Variants in ADGRB2 observed in about 807,000 individuals in gnomAD.
ADGRB2 encodes the protein brain-specific angiogenesis inhibitor 2.
ADGRB2 carries 47 observed loss-of-function variants against 178.7 expected under a neutral mutation model. The observed-to-expected ratio is 0.26, with a 90% CI of 0.21 to 0.34. The LOEUF (loss-of-function observed/expected upper bound fraction) is 0.34, where lower values mean the gene tolerates loss of function less well. Among genes scored for constraint, ADGRB2 ranks in the 10% least tolerant of loss-of-function variants. The pLI is 1.00. For synonymous variants in ADGRB2, 870 were observed against 912.4 expected, an observed-to-expected ratio of 0.95 and a Z score of 0.84; for missense variants, 1,584 against 2,180.8, an observed-to-expected ratio of 0.73 and a Z score of 5.45.
chr1:31,732,963 C>G lies in ADGRB2; in HGVS notation c.3624+9G>C. 1 of 1,549,944 alleles carries G rather than the reference C, an allele frequency of 6.5e-7. No homozygotes were observed. Among genetic ancestry groups the G allele is most frequent in the South Asian group, 1.2e-5 (1 of 83,798 alleles). On this transcript the variant is annotated intron_variant, in intron 26 of 32. Coordinates refer to ENST00000373658, the MANE Select transcript of ADGRB2 (RefSeq NM_001364857.2). ...TGGGCACACACAGGCGGGAGAGGCC[C>G]AGCCCCACCTCTCGGCGCAGGAAGC...
In ADGRB2 at chr1:31,759,036, C is replaced by G. The variant is rs572247109; in HGVS notation, c.-190-1525G>C. 2.6e-5 allele frequency among the ~76,000 whole-genome samples: 4 copies of G among 152,204 alleles called. 1 individual carries two copies. The highest frequency in any genetic ancestry group is 2.0e-4 in the Admixed American group (3 of 15,294). On this transcript the variant is annotated intron_variant, in intron 1 of 32. Transcript: ENST00000373658. This position sits in a 1 kb window ranked among gnomAD's most constrained non-coding sequence, Gnocchi z 4.3. ...TCATTATAACCGGCCTCCCCTCCCC[C>G]ACTTACAGCAGCTCAGGGAACCTCC...
chr1:31,739,047 A>T (rs1645790335), intron 15 of ADGRB2, 110 bp from the exon 16 acceptor site: 3 of 1,027,792 alleles, frequency 2.9e-6, no homozygotes, highest in Non-Finnish European at 4.3e-6. Context: ...GCCAAGGCCC[A>T]GGGGAAGGCC....
chr1:31,738,653 G>A (rs1645761189), intron 16 of ADGRB2, 23 bp from the exon 17 acceptor site: 1 of 1,612,258 alleles, frequency 6.2e-7, no homozygotes, highest in East Asian at 2.2e-5. Context: ...AGACATGAGT[G>A]CAGTCTAGGG....
At position 31,756,042 on chromosome 1, in the gene ADGRB2, G is replaced by A. The variant is rs1451641022; in HGVS notation, c.795C>T (p.His265=). Residue 265 remains histidine, a synonymous_variant, in exon 4 of 33, where the codon CAC becomes CAT. Transcript: ENST00000373658. The surrounding 1 kb of genome is among the most constrained non-coding windows in gnomAD (Gnocchi z 8.5). The part of the protein sequence containing the change: ...GPAPPAEADL[H]SGSSNDLFTT... ...TGAACAGATCATTGCTGCTCCCCGA[G>A]TGCAAATCGGCCTCAGCAGGTGGGG... The A allele has an allele frequency of 3.1e-6, 5 of 1,613,940 alleles. No individual in the cohort carries two copies. In the Admixed American group the frequency reaches 6.7e-5, roughly 22 times the overall value.
In ADGRB2 at chr1:31,740,895, G is replaced by GCACACACACACACACA. The variant is rs145689822; in HGVS notation, c.1795-370_1795-355dup. Among the ~76,000 whole-genome samples, 2,146 of 140,398 alleles carry GCACACACACACACACA rather than the reference G, an allele frequency of 0.015. 36 individuals are homozygous for GCACACACACACACACA. Among genetic ancestry groups the GCACACACACACACACA allele is most frequent in the Non-Finnish European group, 0.022 (1,453 of 64,830 alleles). The allele number at this position is 140,398 out of a possible 152,430, so 92.1% of individuals were successfully genotyped here. On this transcript the variant is annotated intron_variant, in intron 11 of 32. Coordinates refer to ENST00000373658, the MANE Select transcript of ADGRB2 (RefSeq NM_001364857.2). This position sits in a 1 kb window ranked among gnomAD's most constrained non-coding sequence, Gnocchi z 5.9. ...AATGAGCATGTGTGTGGGCGCGCGC[G>GCACACACACACACACA]CACACACACACACACACACACACAC...
intron 20 of ADGRB2, 77 bp downstream of exon 20, chr1:31,737,352 A>AAC: frequency 7.3e-7 from 1 of 1,376,470 alleles, no homozygotes; most frequent in Non-Finnish European, 1.0e-6. Context: ...CGTACAAGCA[A>AAC]ACACACACAC....
At chr1:31,729,712 C>T (rs890117026) in intron 29 of ADGRB2, among the ~76,000 whole-genome samples, 6 of 152,222 alleles carry the variant, frequency 3.9e-5, no homozygotes, top group Non-Finnish European at 4.4e-5. Context: ...CCCCTCAAAG[C>T]GCTGCTGCAT....
chr1:31,746,996 C>T (rs1646312352), intron 4 of ADGRB2, among the ~76,000 whole-genome samples: 1 of 152,210 alleles, frequency 6.6e-6, no homozygotes, highest in South Asian at 2.1e-4. Context: ...CAAATATCAC[C>T]TCCCCTGTTA....
chr1:31,739,253 T>G (rs1335464026), intron 15 of ADGRB2, 55 bp downstream of exon 15: 2 of 1,426,340 alleles, frequency 1.4e-6, no homozygotes, highest in African/African-American at 2.9e-5. Flanking sequence ...CTCCTTCCCT[T>G]ACCTGGGCCT....
rs1646163193 is a variant in ADGRB2, at chr1:31,744,377, T to TC, written c.923-21dup. On this transcript the variant is annotated intron_variant, in intron 5 of 32. Coordinates refer to ENST00000373658, the MANE Select transcript of ADGRB2 (RefSeq NM_001364857.2). This position sits in a 1 kb window ranked among gnomAD's most constrained non-coding sequence, Gnocchi z 6.7. ...GGTCGCCTACGAGAGAGGGACAGCG[T>TC]CGGCGGCAGGGGGCACCTCCCAAGC... 1 of 1,547,630 alleles carries TC rather than the reference T, an allele frequency of 6.5e-7. No individual in the cohort carries two copies.
intron 16 of ADGRB2, 84 bp from the exon 17 acceptor site, chr1:31,738,714 G>C (rs1347817119): frequency 6.3e-7 from 1 of 1,595,030 alleles, no homozygotes; most frequent in African/African-American, 1.3e-5. Context: ...GGCCACAGCA[G>C]CTCCCACACA....
At position 31,728,396 on chromosome 1, in the gene ADGRB2, G is replaced by A; in HGVS notation, c.4417-116C>T. 1 of 1,285,966 alleles carries A rather than the reference G, an allele frequency of 7.8e-7. No individual in the cohort carries two copies. Among genetic ancestry groups the A allele is most frequent in the South Asian group, 1.2e-5 (1 of 80,106 alleles). The allele number at this position is 1,285,966 out of a possible 1,614,324, so 79.7% of individuals were successfully genotyped here. A position where few individuals can be genotyped will look rare whatever the true frequency, so the allele number is the denominator to read the frequency against. ...TCCCTCCCTGCTGCCAGCCCCTCTGGGACAAGACCTAGTTCTCTCTTCACG... is the reference window on the plus strand; with the variant it reads ...TCCCTCCCTGCTGCCAGCCCCTCTGAGACAAGACCTAGTTCTCTCTTCACG... On this transcript the variant is annotated intron_variant, in intron 30 of 32. Transcript: ENST00000373658. This position sits in a 1 kb window ranked among gnomAD's most constrained non-coding sequence, Gnocchi z 6.7.
In ADGRB2 at chr1:31,728,669, G is replaced by T; in HGVS notation, c.4381-36C>A. On this transcript the variant is annotated intron_variant, in intron 29 of 32. Coordinates refer to ENST00000373658, the MANE Select transcript of ADGRB2 (RefSeq NM_001364857.2). This position sits in a 1 kb window ranked among gnomAD's most constrained non-coding sequence, Gnocchi z 6.7. Reference sequence around the variant, plus strand: ...GCAACAAGGAGGCAATGGAGGAGAAGAAAGCTTTTTACCACCGGCAGGGGC... The same window carrying T: ...GCAACAAGGAGGCAATGGAGGAGAATAAAGCTTTTTACCACCGGCAGGGGC... 1.2e-6 allele frequency: 2 copies of T among 1,613,066 alleles called. No individual in the cohort carries two copies. The highest frequency in any genetic ancestry group is 2.2e-5 in the South Asian group (2 of 91,038).
Position 31,733,231 on chromosome 1 carries a change from C to A in ADGRB2, c.3453-88G>T. 1 of 1,437,368 alleles carries A rather than the reference C, an allele frequency of 7.0e-7. No homozygotes were observed. Among genetic ancestry groups the A allele is most frequent in the Non-Finnish European group, 9.4e-7 (1 of 1,067,514 alleles). 89.0% of individuals were successfully genotyped at this position (1,437,368 alleles called of 1,614,324 possible). A position where few individuals can be genotyped will look rare whatever the true frequency, so the allele number is the denominator to read the frequency against. On this transcript the variant is annotated intron_variant, in intron 25 of 32. Coordinates refer to ENST00000373658, the MANE Select transcript of ADGRB2 (RefSeq NM_001364857.2). The surrounding 1 kb of genome is among the most constrained non-coding windows in gnomAD (Gnocchi z 4.3). The stretch of plus-strand genomic sequence containing the variant: ...AGGCCTCCACTCAGCTGGAGCTCTT[C>A]AGCTGCCCAAGACTGGGAGGGCCCC...
At chr1:31,738,052 G>C (rs972199658) in intron 18 of ADGRB2, 148 bp downstream of exon 18, 1 of 1,255,726 alleles carries the variant, frequency 8.0e-7, no homozygotes, top group Non-Finnish European at 1.1e-6. Flanking sequence ...ACAATCCCAG[G>C]GGCACAGACA....
rs1317782465 is a variant in ADGRB2, at chr1:31,759,464, G to T, written c.-190-1953C>A. On this transcript the variant is annotated intron_variant, in intron 1 of 32. Transcript: ENST00000373658. This position sits in a 1 kb window ranked among gnomAD's most constrained non-coding sequence, Gnocchi z 4.3. ...CTGCTGCTCCCTACTCCACAGCCCCGCCCCATCAAGAAGCACAAGGTCCAC... is the reference window on the plus strand; with the variant it reads ...CTGCTGCTCCCTACTCCACAGCCCCTCCCCATCAAGAAGCACAAGGTCCAC... 4 of 741,292 alleles carry T rather than the reference G, an allele frequency of 5.4e-6. No individual in the cohort carries two copies. Among genetic ancestry groups the T allele is most frequent in the Middle Eastern group, 3.1e-4 (1 of 3,238 alleles). 45.9% of individuals were successfully genotyped at this position (741,292 alleles called of 1,614,324 possible).
chr1:31,752,858 T>C (rs915013722), intron 4 of ADGRB2, among the ~76,000 whole-genome samples: 4 of 152,068 alleles, frequency 2.6e-5, no homozygotes, highest in Non-Finnish European at 5.9e-5. Context: ...AGGTGGGGTT[T>C]TGAGCCCACT....
Position 31,732,380 on chromosome 1 carries a change from T to C in ADGRB2, c.3720+137A>G, listed in dbSNP as rs1370524613. On this transcript the variant is annotated intron_variant, in intron 27 of 32. Coordinates refer to ENST00000373658, the MANE Select transcript of ADGRB2 (RefSeq NM_001364857.2). ...GACTTGCCCAATGCCACCCAGGTGT[T>C]AGTGGCTGAGCCTGAATCAAACCCA... is the stretch of plus-strand genomic sequence containing the variant. The C allele has an allele frequency of 5.1e-6, 6 of 1,177,886 alleles. No homozygotes were observed. The South Asian group carries it at 5.5e-5, about 11-fold the overall frequency. The allele number at this position is 1,177,886 out of a possible 1,614,324, so 73.0% of individuals were successfully genotyped here.
chr1:31,736,864 C>T (rs983760310), intron 20 of ADGRB2, 141 bp from the exon 21 acceptor site: 35 of 1,296,702 alleles, frequency 2.7e-5, no homozygotes, highest in Admixed American at 2.2e-4. Context: ...CAGGCACCCC[C>T]GCCTTCCTGC....
Sources: allele counts gnomAD v4.1 joint callset (sites outside exome capture counted in the v4.1 genomes callset), GRCh38; gene constraint gnomAD v4.1.1; non-coding constraint Gnocchi (gnomAD v3.1); transcripts MANE v1.5; gene names NCBI Gene and HGNC (gene_info 2026-07-23, HGNC 2026-07-21).